The following LYPD6 variants were observed in gnomAD, a reference collection of about 807,000 sequenced individuals.
LYPD6 encodes LY6/PLAUR domain containing 6.
LYPD6 carries 15 observed loss-of-function variants against 22.7 expected under a neutral mutation model. The ratio of observed to expected loss-of-function variants is 0.66; its 90% confidence interval spans 0.44 to 1.02. The LOEUF (loss-of-function observed/expected upper bound fraction) is 1.02, where lower values mean the gene tolerates loss of function less well. Ranked by LOEUF, LYPD6 falls within the 50% of genes least tolerant of loss-of-function variation. LYPD6 has a pLI of 0.00. For missense variants in LYPD6, 189 were observed against 208.4 expected, an observed-to-expected ratio of 0.91 and a Z score of 0.57; for synonymous variants, 72 against 77.5, an observed-to-expected ratio of 0.93 and a Z score of 0.37.
At chr2:149,435,951 T>TA (rs35293293) in intron 1 of LYPD6, among the ~76,000 whole-genome samples, 2 of 152,216 alleles carry the variant, frequency 1.3e-5, no homozygotes, top group African/African-American at 2.4e-5. Flanking sequence ...TTCAGCTATT[T>TA]AAAAAAATAT....
intron 1 of LYPD6, among the ~76,000 whole-genome samples, chr2:149,375,161 G>A (rs1681889181): frequency 6.6e-6 from 1 of 152,168 alleles, no homozygotes; most frequent in African/African-American, 2.4e-5. Flanking sequence ...GAAGGTATGA[G>A]TAGATTTATT....
At position 149,474,038 on chromosome 2, in the gene LYPD6, C is replaced by T. The variant is rs763032111; in HGVS notation, c.*3188C>T. 1 of 152,058 alleles carries T rather than the reference C, an allele frequency of 6.6e-6. No individual in the cohort carries two copies. Among genetic ancestry groups the T allele is most frequent in the African/African-American group, 2.4e-5 (1 of 41,388 alleles). The allele number at this position is 152,058 out of a possible 1,614,324, so 9.4% of individuals were successfully genotyped here. On this transcript the variant is annotated 3_prime_UTR_variant, in exon 5 of 5. Coordinates refer to ENST00000334166, the MANE Select transcript of LYPD6 (RefSeq NM_194317.5). ...AGAAAAGATTTTCTCTTGATGGTTT[C>T]TTCAACAGGAAACAGATATTGGAAT...
intron 3 of LYPD6, among the ~76,000 whole-genome samples, chr2:149,452,395 C>T (rs1273312511): frequency 2.6e-5 from 4 of 152,156 alleles, no homozygotes; most frequent in Non-Finnish European, 5.9e-5. Context: ...AAAATAATGC[C>T]ATTTTATTAA....
chr2:149,426,568 G>A (rs943890021), intron 1 of LYPD6, among the ~76,000 whole-genome samples: 3 of 152,194 alleles, frequency 2.0e-5, no homozygotes, highest in Non-Finnish European at 4.4e-5. Flanking sequence ...TGGTGGGAGG[G>A]AGAATTCTGG....
At chr2:149,431,353 C>T (rs557692005) in intron 1 of LYPD6, among the ~76,000 whole-genome samples, 4 of 152,348 alleles carry the variant, frequency 2.6e-5, no homozygotes, top group African/African-American at 9.6e-5. Context: ...GGAAAGACTT[C>T]ATATCATCTG....
chr2:149,459,610 A>G (rs908116413), intron 3 of LYPD6, among the ~76,000 whole-genome samples: 2 of 152,200 alleles, frequency 1.3e-5, no homozygotes, highest in African/African-American at 2.4e-5. Context: ...ATTTAATACA[A>G]TTATATTACG....
intron 1 of LYPD6, among the ~76,000 whole-genome samples, chr2:149,344,707 A>T (rs1029706965): frequency 6.6e-6 from 1 of 152,186 alleles, no homozygotes; most frequent in African/African-American, 2.4e-5. Context: ...CCTTGACTTG[A>T]TGAGGAGCAG....
intron 1 of LYPD6, among the ~76,000 whole-genome samples, chr2:149,394,663 C>T (rs1682389145): frequency 6.6e-6 from 1 of 152,076 alleles, no homozygotes; most frequent in Admixed American, 6.5e-5. Flanking sequence ...TCTACACATG[C>T]ACTGGTGTGT....
At position 149,473,553 on chromosome 2, in the gene LYPD6, A is replaced by G. The variant is rs528875904; in HGVS notation, c.*2703A>G. ...TAGACTCTCCACAGCATTCATGTCA[A>G]TATGGGATTAATGCCTAAACTTTGT... On this transcript the variant is annotated 3_prime_UTR_variant, in exon 5 of 5. Coordinates refer to ENST00000334166, the MANE Select transcript of LYPD6 (RefSeq NM_194317.5). 6.6e-6 allele frequency: 1 copy of G among 152,414 alleles called. No individual in the cohort carries two copies. Among genetic ancestry groups the G allele is most frequent in the Non-Finnish European group, 1.5e-5 (1 of 68,040 alleles). The allele number at this position is 152,414 out of a possible 1,614,324, so 9.4% of individuals were successfully genotyped here.
chr2:149,364,859 T>C lies in LYPD6; in HGVS notation c.-72+34137T>C, dbSNP rs150497469. Among the ~76,000 whole-genome samples, 38 of 152,302 alleles carry C rather than the reference T, an allele frequency of 2.5e-4. No homozygotes were observed. The East Asian group carries it at 7.1e-3, about 29-fold the overall frequency. ...ACTTTGTCATTGTTCACTTACTCTG[T>C]AGCATCTCTGGAGTACTCACAATCT... On this transcript the variant is annotated intron_variant, in intron 1 of 4. Coordinates refer to ENST00000334166, the MANE Select transcript of LYPD6 (RefSeq NM_194317.5).
intron 1 of LYPD6, among the ~76,000 whole-genome samples, chr2:149,373,278 G>A (rs538148499): frequency 2.6e-5 from 4 of 152,186 alleles, no homozygotes; most frequent in East Asian, 3.8e-4. Context: ...GTGAGCCACC[G>A]TTGAAGATGA....
In LYPD6 at chr2:149,468,747, G is replaced by T. The variant is rs748373964; in HGVS notation, c.320G>T (p.Cys107Phe). 3.7e-6 allele frequency: 6 copies of T among 1,613,596 alleles called. No individual in the cohort carries two copies. The South Asian group carries it at 6.6e-5, about 18-fold the overall frequency. The change falls in exon 4 of 5, where the codon TGC becomes TTC. Residue 107 changes from cysteine (C) to phenylalanine (F), a missense_variant. Physicochemically the swap from Cys to Phe is radical, Grantham distance 205 (BLOSUM62 -2). Transcript: ENST00000334166. Reference sequence around the variant, plus strand: ...CTGGAAGAGTGCTTATCCACTGGCTGCAGAGACTCCGAGCATGAAGGCCAC... The same window carrying T: ...CTGGAAGAGTGCTTATCCACTGGCTTCAGAGACTCCGAGCATGAAGGCCAC... ...VPLEECLSTG[C>F]RDSEHEGHKV...
chr2:149,459,895 T>A (rs1248107763), intron 3 of LYPD6, among the ~76,000 whole-genome samples: 1 of 99,042 alleles, frequency 1.0e-5, no homozygotes, highest in Non-Finnish European at 2.3e-5. Context: ...GAGTAAGACT[T>A]TGTCTCAAAA....
In LYPD6 at chr2:149,359,034, C is replaced by T. The variant is rs149600659; in HGVS notation, c.-72+28312C>T. 1.8e-4 allele frequency among the ~76,000 whole-genome samples: 28 copies of T among 152,244 alleles called. No homozygotes were observed. In the East Asian group the frequency reaches 5.4e-3, roughly 29 times the overall value. ...TATACTTACGTCCTCCATCTCTATG[C>T]TCCCATGATCCTCTATGTAATTTTT... On this transcript the variant is annotated intron_variant, in intron 1 of 4. Transcript: ENST00000334166.
At chr2:149,380,765 A>C (rs981620001) in intron 1 of LYPD6, among the ~76,000 whole-genome samples, 1 of 152,232 alleles carries the variant, frequency 6.6e-6, no homozygotes, top group Non-Finnish European at 1.5e-5. Flanking sequence ...ATTTAAAGCC[A>C]TCAGCCTGGA....
At chr2:149,371,345 T>C (rs1318049247) in intron 1 of LYPD6, among the ~76,000 whole-genome samples, 1 of 152,210 alleles carries the variant, frequency 6.6e-6, no homozygotes, top group African/African-American at 2.4e-5. Context: ...CTTCCATGCA[T>C]CTTTAGCAAG....
At position 149,437,685 on chromosome 2, in the gene LYPD6, G is replaced by A; in HGVS notation, c.-24G>A. 1.2e-6 allele frequency: 2 copies of A among 1,613,588 alleles called. No individual in the cohort carries two copies. Among genetic ancestry groups the A allele is most frequent in the Non-Finnish European group, 1.7e-6 (2 of 1,179,920 alleles). Reference sequence around the variant, plus strand: ...CTGAGTGCCCACTCCCAGGCCCTCTGTATGAGTGACACTTCAGTCTGCCAT... The same window carrying A: ...CTGAGTGCCCACTCCCAGGCCCTCTATATGAGTGACACTTCAGTCTGCCAT... On this transcript the variant is annotated 5_prime_UTR_variant, in exon 2 of 5. Transcript: ENST00000334166.
the LYPD6 span, among the ~76,000 whole-genome samples, chr2:149,481,800 C>A: frequency 6.6e-6 from 1 of 152,188 alleles, no homozygotes; most frequent in Admixed American, 6.5e-5. Flanking sequence ...ATGGTAATAA[C>A]TTTTTTCTTT....
intron 1 of LYPD6, among the ~76,000 whole-genome samples, chr2:149,359,444 A>G (rs1222748196): frequency 6.6e-6 from 1 of 152,246 alleles, no homozygotes; most frequent in Non-Finnish European, 1.5e-5. Context: ...AGAGTGGCTG[A>G]GAAAAATGTT....
Sources: gnomAD v4.1 joint callset for allele counts (sites outside exome capture counted in the v4.1 genomes callset) on GRCh38, gnomAD v4.1.1 for gene constraint, MANE v1.5 for transcripts, NCBI Gene and HGNC (gene_info 2026-07-23, HGNC 2026-07-21) for gene names.